The following ENPP2 variants were observed in gnomAD, a reference collection of about 807,000 sequenced individuals.
ENPP2 encodes the protein ectonucleotide pyrophosphatase/phosphodiesterase 2.
In ENPP2, 51 loss-of-function variants were observed where a neutral mutation model predicts 120.2. The observed-to-expected ratio is 0.42, with a 90% CI of 0.34 to 0.54. The LOEUF (loss-of-function observed/expected upper bound fraction) is 0.54, where lower values mean the gene tolerates loss of function less well. Among genes scored for constraint, ENPP2 ranks in the 20% least tolerant of loss-of-function variants. The pLI, the probability that ENPP2 is intolerant of heterozygous loss-of-function variation, is 0.04. For missense variants in ENPP2, 920 were observed against 1,066.5 expected (o/e 0.86, Z 1.91); for synonymous variants, 365 against 366.4 (o/e 1.00, Z 0.04).
intron 11 of ENPP2, among the ~76,000 whole-genome samples, chr8:119,597,942 A>G (rs1563714828): frequency 6.6e-6 from 1 of 152,206 alleles, no homozygotes; most frequent in East Asian, 1.9e-4. Context: ...AGTTAAAATC[A>G]TTTCAATGAA....
At chr8:119,608,392 A>G (rs1289284485) in intron 8 of ENPP2, among the ~76,000 whole-genome samples, 11 of 152,198 alleles carry the variant, frequency 7.2e-5, no homozygotes, top group Admixed American at 7.2e-4. Flanking sequence ...CCAATTTGGC[A>G]TCCAGATGTC....
At chr8:119,668,959 T>C (rs1365162874) in intron 1 of ENPP2, among the ~76,000 whole-genome samples, 2 of 152,198 alleles carry the variant, frequency 1.3e-5, no homozygotes, top group Non-Finnish European at 2.9e-5. Flanking sequence ...TGCAATTTAA[T>C]TTTGGGATCC....
At chr8:119,610,104 A>G (rs1349203893) in intron 8 of ENPP2, among the ~76,000 whole-genome samples, 1 of 152,104 alleles carries the variant, frequency 6.6e-6, no homozygotes, top group Non-Finnish European at 1.5e-5. Flanking sequence ...AATTAAGATC[A>G]TTTGTTCTTT....
chr8:119,638,389 T>A (rs747805270), intron 2 of ENPP2, 36 bp downstream of exon 2: 3 of 1,039,204 alleles, frequency 2.9e-6, no homozygotes, highest in East Asian at 4.7e-5. Flanking sequence ...GTAATATTTT[T>A]AAAAAATTGA....
chr8:119,569,671 A>G (rs1249004459), intron 20 of ENPP2, among the ~76,000 whole-genome samples: 1 of 151,798 alleles, frequency 6.6e-6, no homozygotes, highest in Non-Finnish European at 1.5e-5. Flanking sequence ...ATAGAATCTC[A>G]TTGAAGATAA....
At chr8:119,638,147 T>A (rs1255465389) in intron 2 of ENPP2, among the ~76,000 whole-genome samples, 1 of 152,218 alleles carries the variant, frequency 6.6e-6, no homozygotes, top group East Asian at 1.9e-4. Context: ...ACTTTAGCCT[T>A]GTCTGTGAAC....
At chr8:119,581,661 C>T (rs971426477) in intron 18 of ENPP2, among the ~76,000 whole-genome samples, 12 of 152,214 alleles carry the variant, frequency 7.9e-5, no homozygotes, top group South Asian at 6.2e-4. Context: ...CAGGGCACTT[C>T]GTCACTCCTC....
chr8:119,585,017 C>T (rs1813006604), intron 15 of ENPP2, among the ~76,000 whole-genome samples: 1 of 152,170 alleles, frequency 6.6e-6, no homozygotes, highest in Non-Finnish European at 1.5e-5. Flanking sequence ...TTGGGCTACA[C>T]TAATTTGCCC....
At chr8:119,596,092 CAG>C in intron 11 of ENPP2, 1 of 1,222,950 alleles carries the variant, frequency 8.2e-7, no homozygotes, top group Non-Finnish European at 1.2e-6. Flanking sequence ...CTGGGATCAG[CAG>C]AGTCTCAGAA....
chr8:119,635,049 T>C (rs982021898), intron 2 of ENPP2, among the ~76,000 whole-genome samples: 12 of 152,200 alleles, frequency 7.9e-5, no homozygotes, highest in Admixed American at 6.5e-5. Context: ...ACAGAGCAAA[T>C]GGCTGATCTA....
At chr8:119,646,743 A>G (rs190075453) in intron 1 of ENPP2, among the ~76,000 whole-genome samples, 1 of 152,336 alleles carries the variant, frequency 6.6e-6, no homozygotes, top group Admixed American at 6.5e-5. Flanking sequence ...TAGTGTTCAT[A>G]AATGTTAAAT....
In ENPP2 at chr8:119,644,396, C is replaced by T. The variant is rs1420917097; in HGVS notation, c.22-5869G>A. ...GGGCAGGAAGGTATTAAGTATGACT[C>T]CTGAATTAATAGATACTTAATGATT... On this transcript the variant is annotated intron_variant, in intron 1 of 25. Transcript: ENST00000427067. 4.0e-5 allele frequency among the ~76,000 whole-genome samples: 6 copies of T among 150,996 alleles called. No individual in the cohort carries two copies. In the South Asian group the frequency reaches 1.3e-3, roughly 32 times the overall value.
At chr8:119,577,318 A>C (rs182149283) in intron 19 of ENPP2, among the ~76,000 whole-genome samples, 1 of 152,260 alleles carries the variant, frequency 6.6e-6, no homozygotes, top group African/African-American at 2.4e-5. Flanking sequence ...AACATAATAC[A>C]TGTGTGCTCA....
chr8:119,617,062 T>C (rs1052452698), intron 7 of ENPP2, 102 bp downstream of exon 7: 2 of 753,968 alleles, frequency 2.7e-6, no homozygotes, highest in Admixed American at 2.3e-5. Context: ...AAGATTTTCT[T>C]TGAACACTAA....
At chr8:119,582,659 G>C in intron 17 of ENPP2, 57 bp from the exon 18 acceptor site, 1 of 1,274,682 alleles carries the variant, frequency 7.8e-7, no homozygotes, top group Non-Finnish European at 1.1e-6. Flanking sequence ...GATGAGATAT[G>C]GTAAGATTTA....
chr8:119,622,927 T>G (rs1334881594), intron 3 of ENPP2, among the ~76,000 whole-genome samples: 1 of 152,112 alleles, frequency 6.6e-6, no homozygotes, highest in African/African-American at 2.4e-5. Flanking sequence ...CATTTCAGCT[T>G]ATGCCAAATG....
intron 9 of ENPP2, among the ~76,000 whole-genome samples, chr8:119,606,547 A>G (rs1814731080): frequency 6.6e-6 from 1 of 152,060 alleles, no homozygotes; most frequent in Non-Finnish European, 1.5e-5. Context: ...CATGCTGTTT[A>G]TATTAAGCAG....
At chr8:119,640,958 G>A (rs1415001358), upstream of ENPP2, among the ~76,000 whole-genome samples, 1 of 152,018 alleles carries the variant, frequency 6.6e-6, no homozygotes. Flanking sequence ...TGTTGGTCAG[G>A]ATGGTCTCGA....
At chr8:119,604,522 T>G (rs1408656780) in intron 9 of ENPP2, among the ~76,000 whole-genome samples, 3 of 152,066 alleles carry the variant, frequency 2.0e-5, no homozygotes, top group African/African-American at 4.8e-5. Context: ...GGGGTACATG[T>G]TGCTGTCTTC....
Sources: gnomAD v4.1 joint callset for allele counts (sites outside exome capture counted in the v4.1 genomes callset) on GRCh38, gnomAD v4.1.1 for gene constraint, MANE v1.5 for transcripts, NCBI Gene and HGNC (gene_info 2026-07-23, HGNC 2026-07-21) for gene names.